The following CBFA2T3 variants were observed in gnomAD, a reference collection of about 807,000 sequenced individuals.
CBFA2T3 encodes CBFA2/RUNX1 partner transcriptional co-repressor 3.
In CBFA2T3, 31 loss-of-function variants were observed where a neutral mutation model predicts 58.6. The ratio of observed to expected loss-of-function variants is 0.53; its 90% CI spans 0.40 to 0.71. The LOEUF is 0.71. CBFA2T3 is among the 30% of genes least tolerant of loss of function. CBFA2T3 has a pLI of 0.00. For missense variants in CBFA2T3, 1,076 were observed against 963.1 expected, an observed-to-expected ratio of 1.12 and a Z score of -1.55; for synonymous variants, 531 against 421.9, an observed-to-expected ratio of 1.26 and a Z score of -3.17.
At chr16:88,954,558 G>A (rs1220142181) in intron 1 of CBFA2T3, among the ~76,000 whole-genome samples, 5 of 81,580 alleles carry the variant, frequency 6.1e-5, no homozygotes, top group Non-Finnish European at 1.0e-4. Context: ...CTCAGCCAAG[G>A]CTCCTGACCC....
At chr16:88,969,728 G>A (rs989379280) in intron 1 of CBFA2T3, among the ~76,000 whole-genome samples, 2 of 152,232 alleles carry the variant, frequency 1.3e-5, no homozygotes, top group Non-Finnish European at 2.9e-5. Context: ...AGGCTTGGCT[G>A]CCAGGGTGCG....
chr16:88,894,082 C>T (rs1362241257), intron 3 of CBFA2T3, among the ~76,000 whole-genome samples: 4 of 152,178 alleles, frequency 2.6e-5, no homozygotes, highest in Non-Finnish European at 5.9e-5. Context: ...ACAAAGGGTA[C>T]CAACTCCCCT....
chr16:88,901,068 C>A (rs763759397), intron 2 of CBFA2T3, among the ~76,000 whole-genome samples: 1 of 152,262 alleles, frequency 6.6e-6, no homozygotes, highest in Non-Finnish European at 1.5e-5. Context: ...ACGCAGGTGA[C>A]CTGCTGTATG....
At chr16:88,959,479 C>T (rs1772833356) in intron 1 of CBFA2T3, among the ~76,000 whole-genome samples, 1 of 152,214 alleles carries the variant, frequency 6.6e-6, no homozygotes, top group Admixed American at 6.5e-5. Flanking sequence ...CTTACAGAGC[C>T]TGCAGGTCTT....
At chr16:88,908,383 C>T (rs1180003391) in intron 1 of CBFA2T3, among the ~76,000 whole-genome samples, 1 of 152,142 alleles carries the variant, frequency 6.6e-6, no homozygotes, top group Non-Finnish European at 1.5e-5. Flanking sequence ...TTCCCAGACC[C>T]TGGAGGCCGC....
chr16:88,897,920 C>T (rs1234191004), intron 3 of CBFA2T3, among the ~76,000 whole-genome samples, 158 bp downstream of exon 3: 1 of 152,198 alleles, frequency 6.6e-6, no homozygotes, highest in African/African-American at 2.4e-5. Flanking sequence ...GCGCCCTCTT[C>T]TCCCTAAGGA....
In CBFA2T3 at chr16:88,875,556, G is replaced by A. The variant is rs1968796988; in HGVS notation, c.*1420C>T. ...AAGTTTGGAAGAAAGGGGAGTAGCT[G>A]CGGTGGGGCGATGGGGCCGAGAGGT... On this transcript the variant is annotated 3_prime_UTR_variant, in exon 12 of 12. Transcript: ENST00000268679. The A allele has an allele frequency of 4.3e-6, 1 of 234,068 alleles. No homozygotes were observed. The highest frequency in any genetic ancestry group is 2.2e-5 in the African/African-American group (1 of 45,392). 14.5% of individuals were successfully genotyped at this position (234,068 alleles called of 1,614,324 possible). A position where few individuals can be genotyped will look rare whatever the true frequency, so the allele number is the denominator to read the frequency against.
intron 5 of CBFA2T3, among the ~76,000 whole-genome samples, chr16:88,888,232 G>A (rs1340950723): frequency 2.6e-5 from 4 of 151,382 alleles, no homozygotes; most frequent in Admixed American, 6.6e-5. Context: ...GATTCCTGCC[G>A]TTTCTAGGAT....
At chr16:88,895,471 G>A (rs1031222832) in intron 3 of CBFA2T3, among the ~76,000 whole-genome samples, 5 of 152,194 alleles carry the variant, frequency 3.3e-5, no homozygotes, top group South Asian at 2.1e-4. Flanking sequence ...AATGGGCTCC[G>A]AGGAACCGAA....
intron 1 of CBFA2T3, chr16:88,957,538 C>T (rs1223477847): frequency 1.3e-5 from 2 of 152,356 alleles, no homozygotes; most frequent in African/African-American, 2.4e-5. Flanking sequence ...TGCTGACCCC[C>T]ACACCTGTCC....
intron 7 of CBFA2T3, 134 bp from the exon 8 acceptor site, chr16:88,882,895 A>C: frequency 1.5e-6 from 1 of 678,282 alleles, no homozygotes; most frequent in Non-Finnish European, 2.6e-6. Context: ...GGGTAACCGA[A>C]GGGCTGGTTG....
rs1969336631 is a variant in CBFA2T3 at position 88,885,652 on chromosome 16, CTG to C, written c.893+307_893+308del. The C allele has an allele frequency of 8.9e-6, 4 of 449,880 alleles. No homozygotes were observed. In the East Asian group the frequency reaches 1.2e-4, roughly 14 times the overall value. The allele number at this position is 449,880 out of a possible 1,614,324, so 27.9% of individuals were successfully genotyped here. ...AGCAGAGGGGGCCCAGCCCAGGCAC[CTG>C]GGGACCATGGACCCCGGACGCTCGG... On this transcript the variant is annotated intron_variant, in intron 6 of 11. Coordinates refer to ENST00000268679, the MANE Select transcript of CBFA2T3 (RefSeq NM_005187.6). This position sits in a 1 kb window ranked among gnomAD's most constrained non-coding sequence, Gnocchi z 5.3.
At chr16:88,884,767 G>A in intron 7 of CBFA2T3, 1 of 383,082 alleles carries the variant, frequency 2.6e-6, no homozygotes, top group Non-Finnish European at 4.7e-6. Context: ...CCTGTGGGTG[G>A]ACTGTGGGAA....
chr16:88,905,761 A>T (rs369389544), intron 1 of CBFA2T3, among the ~76,000 whole-genome samples: 4 of 67,742 alleles, frequency 5.9e-5, no homozygotes, highest in East Asian at 7.7e-4. Flanking sequence ...GGGCTGAAGG[A>T]CGGTGGGGAT....
chr16:88,920,443 ATTTTTTT>A (rs368094716), intron 1 of CBFA2T3, among the ~76,000 whole-genome samples: 23,482 of 138,854 alleles, frequency 0.17, 2,275 homozygotes, highest in Middle Eastern at 0.29. Flanking sequence ...TACCCGGCCA[ATTTTTTT>A]TTTTTTTTTT....
intron 1 of CBFA2T3, among the ~76,000 whole-genome samples, chr16:88,926,350 G>GC (rs1263903641): frequency 1.3e-5 from 2 of 152,162 alleles, no homozygotes; most frequent in African/African-American, 4.8e-5. Context: ...ACCACTGAAG[G>GC]CCCCCCAAGC....
At chr16:88,903,847 G>A (rs1970198858) in intron 1 of CBFA2T3, among the ~76,000 whole-genome samples, 1 of 152,218 alleles carries the variant, frequency 6.6e-6, no homozygotes, top group African/African-American at 2.4e-5. Context: ...CACTGGGGAT[G>A]CCCCCTGTTT....
At chr16:88,897,564 C>T (rs948166817) in intron 3 of CBFA2T3, among the ~76,000 whole-genome samples, 2 of 152,376 alleles carry the variant, frequency 1.3e-5, no homozygotes, top group African/African-American at 4.8e-5. Flanking sequence ...CCGGCCCCAC[C>T]ATCTGACGGC....
chr16:88,893,547 A>G (rs951286300), intron 3 of CBFA2T3, among the ~76,000 whole-genome samples: 6 of 152,184 alleles, frequency 3.9e-5, no homozygotes, highest in Non-Finnish European at 8.8e-5. Flanking sequence ...CCAAGGACAC[A>G]CTGGGTGGGT....
Sources: allele counts gnomAD v4.1 joint callset (sites outside exome capture counted in the v4.1 genomes callset), GRCh38; gene constraint gnomAD v4.1.1; non-coding constraint Gnocchi (gnomAD v3.1); transcripts MANE v1.5; gene names NCBI Gene and HGNC (gene_info 2026-07-23, HGNC 2026-07-21).